NIPBL: variants seen among roughly 807,000 people sequenced by gnomAD.
The protein encoded by NIPBL is NIPBL cohesin loading factor.
Under a neutral mutation model 321.8 loss-of-function variants are expected in NIPBL, and 19 were observed. That is an observed-to-expected ratio of 0.06 (90% CI 0.04 to 0.09). The LOEUF is 0.09. NIPBL is among the 10% of genes least tolerant of loss of function. The pLI is 1.00. For missense variants in NIPBL, 2,210 were observed against 3,327.0 expected (o/e 0.66, Z 8.26); for synonymous variants, 1,106 against 1,114.1 (o/e 0.99, Z 0.14).
intron 10 of NIPBL, among the ~76,000 whole-genome samples, chr5:36,989,314 C>T (rs994707209): frequency 6.6e-6 from 1 of 151,980 alleles, no homozygotes; most frequent in African/African-American, 2.4e-5. Flanking sequence ...AATATTATTC[C>T]CATTCTTATC....
chr5:37,010,072 T>G lies in NIPBL; in HGVS notation c.4422-15T>G. ...TATCTTGATACTCCATACAAATTTT[T>G]TTTCTTCATTAAAGGTTAAACAGTA... On this transcript the variant is annotated splice_polypyrimidine_tract_variant and intron_variant, in intron 20 of 46. Transcript: ENST00000282516. The G allele has an allele frequency of 6.3e-7, 1 of 1,595,708 alleles. No individual in the cohort carries two copies.
At chr5:36,883,974 G>C (rs1472362588) in intron 1 of NIPBL, among the ~76,000 whole-genome samples, 1 of 151,946 alleles carries the variant, frequency 6.6e-6, no homozygotes, top group Non-Finnish European at 1.5e-5. Context: ...ACCTCAGAAA[G>C]CTCTAAGATT....
At chr5:37,012,316 ATTT>A (rs752962035) in intron 21 of NIPBL, among the ~76,000 whole-genome samples, 6 of 134,688 alleles carry the variant, frequency 4.5e-5, no homozygotes, top group Admixed American at 1.5e-4. Flanking sequence ...TGCCGGGCTA[ATTT>A]TTTTTTTTTT....
At chr5:36,960,850 A>C (rs1741535524) in intron 4 of NIPBL, among the ~76,000 whole-genome samples, 1 of 152,192 alleles carries the variant, frequency 6.6e-6, no homozygotes, top group African/African-American at 2.4e-5. Flanking sequence ...TAAATGTAAG[A>C]ACCAGAATGC....
At chr5:37,044,523 T>G (rs764519025) in intron 35 of NIPBL, 36 bp downstream of exon 35, 2 of 1,602,450 alleles carry the variant, frequency 1.2e-6, no homozygotes, top group Admixed American at 1.7e-5. Context: ...TATTCATTAG[T>G]GTAAAGTTCT....
chr5:36,984,564 T>A, intron 9 of NIPBL, 112 bp from the exon 10 acceptor site: 1 of 920,208 alleles, frequency 1.1e-6, no homozygotes, highest in Non-Finnish European at 1.6e-6. Context: ...CATTTGCATT[T>A]TACTCCATTT....
intron 32 of NIPBL, among the ~76,000 whole-genome samples, chr5:37,033,730 A>ATTTTTTTT (rs58081432): frequency 8.4e-4 from 18 of 21,506 alleles, no homozygotes; most frequent in African/African-American, 3.3e-3. Flanking sequence ...ATATATATAT[A>ATTTTTTTT]TTTTTTTTTT....
intron 1 of NIPBL, among the ~76,000 whole-genome samples, chr5:36,912,969 T>C (rs1295075746): frequency 3.9e-5 from 6 of 152,178 alleles, no homozygotes; most frequent in African/African-American, 1.4e-4. Flanking sequence ...TGAGGAACAC[T>C]GTGAAAAACA....
At chr5:37,063,700 C>A in intron 45 of NIPBL, 90 bp from the exon 46 acceptor site, 1 of 1,341,178 alleles carries the variant, frequency 7.5e-7, no homozygotes, top group Non-Finnish European at 1.0e-6. Flanking sequence ...TCACCCACAC[C>A]AAACTACTGC....
At chr5:36,982,092 G>C (rs761147688) in intron 9 of NIPBL, 4 of 319,782 alleles carry the variant, frequency 1.3e-5, no homozygotes, top group Non-Finnish European at 1.8e-5. Flanking sequence ...ATCTTATTTT[G>C]AGAATATCAG....
chr5:37,010,601 T>C (rs990215702), intron 21 of NIPBL, among the ~76,000 whole-genome samples: 2 of 152,174 alleles, frequency 1.3e-5, no homozygotes, highest in African/African-American at 4.8e-5. Context: ...CCACTGCGCC[T>C]GGCCAAAGCT....
chr5:36,897,342 C>G (rs1295509381), intron 1 of NIPBL, among the ~76,000 whole-genome samples: 1 of 152,104 alleles, frequency 6.6e-6, no homozygotes, highest in Non-Finnish European at 1.5e-5. Context: ...TTGTTCACTG[C>G]TAGGGTATGG....
intron 42 of NIPBL, among the ~76,000 whole-genome samples, chr5:37,055,173 A>C (rs912277135): frequency 6.6e-6 from 1 of 151,990 alleles, no homozygotes; most frequent in Non-Finnish European, 1.5e-5. Flanking sequence ...ACATGGCAAA[A>C]TCCTCTCTCT....
chr5:36,932,399 A>G (rs1222404187), intron 1 of NIPBL, among the ~76,000 whole-genome samples: 3 of 152,146 alleles, frequency 2.0e-5, no homozygotes, highest in African/African-American at 7.2e-5. Flanking sequence ...TATAAACGTT[A>G]TATCTTCCTT....
At chr5:36,973,226 A>C (rs1296452815) in intron 8 of NIPBL, among the ~76,000 whole-genome samples, 2 of 152,156 alleles carry the variant, frequency 1.3e-5, no homozygotes, top group South Asian at 4.1e-4. Context: ...AATTATAGCC[A>C]TCTGAAACAT....
intron 1 of NIPBL, among the ~76,000 whole-genome samples, chr5:36,940,371 T>C (rs1283579418): frequency 1.3e-5 from 2 of 152,194 alleles, no homozygotes; most frequent in Non-Finnish European, 2.9e-5. Context: ...CCCTTCAGCT[T>C]GTCTGTCAGG....
chr5:37,049,093 CT>C lies in NIPBL; in HGVS notation c.6764-15del, dbSNP rs766014856. 1 of 1,613,238 alleles carries C rather than the reference CT, an allele frequency of 6.2e-7. No homozygotes were observed. Among genetic ancestry groups the C allele is most frequent in the Non-Finnish European group, 8.5e-7 (1 of 1,179,358 alleles). ...TAGGTGCTCTTAATGTGTGTTTATCCTTTGCTTGCTTTTGTAGGGAAGAAAG... is the reference window on the plus strand; with the variant it reads ...TAGGTGCTCTTAATGTGTGTTTATCCTTGCTTGCTTTTGTAGGGAAGAAAG... On this transcript the variant is annotated splice_polypyrimidine_tract_variant and intron_variant, in intron 39 of 46. Coordinates refer to ENST00000282516, the MANE Select transcript of NIPBL (RefSeq NM_133433.4).
intron 2 of NIPBL, among the ~76,000 whole-genome samples, chr5:36,954,671 C>G (rs748800375): frequency 3.9e-5 from 6 of 152,014 alleles, no homozygotes; most frequent in Non-Finnish European, 8.8e-5. Flanking sequence ...AAGCCCTGTT[C>G]ATTAAGTAAT....
intron 9 of NIPBL, among the ~76,000 whole-genome samples, chr5:36,979,250 T>C (rs569566474): frequency 3.3e-5 from 5 of 152,000 alleles, no homozygotes; most frequent in East Asian, 3.8e-4. Context: ...GTTTGTGTTA[T>C]CTATGATTTA....
Sources: gnomAD v4.1 joint callset for allele counts (sites outside exome capture counted in the v4.1 genomes callset) on GRCh38, gnomAD v4.1.1 for gene constraint, MANE v1.5 for transcripts, NCBI Gene and HGNC (gene_info 2026-07-23, HGNC 2026-07-21) for gene names.